Variants in SYT4 observed in about 807,000 individuals in gnomAD.
SYT4 encodes the protein synaptotagmin-4.
A neutral mutation model predicts 32.9 loss-of-function variants in SYT4; 7 were observed. That is an observed-to-expected ratio of 0.21 (90% CI 0.12 to 0.40). The LOEUF (loss-of-function observed/expected upper bound fraction) is 0.40, where lower values mean the gene tolerates loss of function less well. Ranked by LOEUF, SYT4 falls within the 10% of genes least tolerant of loss-of-function variation. The pLI is 1.00. For synonymous variants in SYT4, 205 were observed against 186.2 expected (o/e 1.10, Z -0.82); for missense variants, 480 against 488.0 (o/e 0.98, Z 0.16).
chr18:43,270,125 C>T lies in SYT4; in HGVS notation c.*216G>A. The stretch of plus-strand genomic sequence containing the variant: ...GTAATCTGAAGGAGATATTGAATAT[C>T]TTATGAAAATTTATCCAACTCTTCT... On this transcript the variant is annotated 3_prime_UTR_variant, in exon 4 of 4. Transcript: ENST00000255224. The T allele has an allele frequency of 1.8e-6, 1 of 557,858 alleles. No homozygotes were observed. The highest frequency in any genetic ancestry group is 3.1e-6 in the Non-Finnish European group (1 of 317,578). The allele number at this position is 557,858 out of a possible 1,614,324, so 34.6% of individuals were successfully genotyped here.
intron 2 of SYT4, among the ~76,000 whole-genome samples, chr18:43,272,446 T>C (rs1172797461): frequency 6.6e-6 from 1 of 152,130 alleles, no homozygotes; most frequent in Non-Finnish European, 1.5e-5. Flanking sequence ...TCTTAAGCAT[T>C]GGAGAGCATT....
chr18:43,273,317 GTATT>G (rs1339136708), intron 2 of SYT4, among the ~76,000 whole-genome samples: 1 of 152,040 alleles, frequency 6.6e-6, no homozygotes, highest in East Asian at 1.9e-4. Context: ...ATTAACAAAA[GTATT>G]TATATAGGTG....
In SYT4 at chr18:43,270,310, A is replaced by T. The variant is rs779098741; in HGVS notation, c.*31T>A. The T allele has an allele frequency of 1.9e-6, 3 of 1,590,826 alleles. No individual in the cohort carries two copies. ...AGAAAATTTCTCCTTGCCTAGTAAAAACCTTTAAGTTCCAACTCACGGCTA... is the reference window on the plus strand; with the variant it reads ...AGAAAATTTCTCCTTGCCTAGTAAATACCTTTAAGTTCCAACTCACGGCTA... On this transcript the variant is annotated 3_prime_UTR_variant, in exon 4 of 4. Coordinates refer to ENST00000255224, the MANE Select transcript of SYT4 (RefSeq NM_020783.4).
At chr18:43,272,491 T>G (rs1209213669) in intron 2 of SYT4, among the ~76,000 whole-genome samples, 1 of 152,188 alleles carries the variant, frequency 6.6e-6, no homozygotes, top group Non-Finnish European at 1.5e-5. Flanking sequence ...CTTCTTTGCG[T>G]GCTACTTAGA....
At chr18:43,276,229 A>G (rs1908788803) in intron 1 of SYT4, among the ~76,000 whole-genome samples, 1 of 152,212 alleles carries the variant, frequency 6.6e-6, no homozygotes, top group African/African-American at 2.4e-5. Context: ...AGTTATGTCA[A>G]ATGGCAAACA....
intron 2 of SYT4, 66 bp downstream of exon 2, chr18:43,273,514 C>T (rs1908693445): frequency 1.8e-6 from 2 of 1,129,856 alleles, no homozygotes; most frequent in South Asian, 1.7e-5. Flanking sequence ...AATAAAAATT[C>T]CTTAGACACC....
rs1268324142 is a variant in SYT4, at chr18:43,269,043, C to T, written c.*1298G>A. 1 of 152,156 alleles carries T rather than the reference C, an allele frequency of 6.6e-6. No homozygotes were observed. Among genetic ancestry groups the T allele is most frequent in the Non-Finnish European group, 1.5e-5 (1 of 68,022 alleles). The allele number at this position is 152,156 out of a possible 1,614,324, so 9.4% of individuals were successfully genotyped here. On this transcript the variant is annotated 3_prime_UTR_variant, in exon 4 of 4. Transcript: ENST00000255224. ...TAGTGACATTACTCTCAAGCTAATTCTTTTCAAATAATCACAGGGTGCAGC... is the reference window on the plus strand; with the variant it reads ...TAGTGACATTACTCTCAAGCTAATTTTTTTCAAATAATCACAGGGTGCAGC...
rs542981794 is a variant in SYT4 at position 43,277,315 on chromosome 18, G to A, written c.-34C>T. ...GCGTGTTCTGTCCGAGGTGCTGAAG[G>A]GAAAACTGCCTGGCTGGATTCACTT... On this transcript the variant is annotated 5_prime_UTR_variant, in exon 1 of 4. Coordinates refer to ENST00000255224, the MANE Select transcript of SYT4 (RefSeq NM_020783.4). 4.3e-6 allele frequency: 7 copies of A among 1,613,758 alleles called. 1 individual carries two copies. In the South Asian group the frequency reaches 7.7e-5, roughly 18 times the overall value.
At chr18:43,272,541 T>C (rs1362279192) in intron 2 of SYT4, among the ~76,000 whole-genome samples, 2 of 152,168 alleles carry the variant, frequency 1.3e-5, no homozygotes, top group Non-Finnish European at 2.9e-5. Context: ...AGATATACAA[T>C]AATTCAAAGT....
intron 1 of SYT4, among the ~76,000 whole-genome samples, chr18:43,276,782 G>A (rs942784143): frequency 6.6e-6 from 1 of 152,046 alleles, no homozygotes; most frequent in African/African-American, 2.4e-5. Flanking sequence ...CATATGGTAC[G>A]CCCTGTAATA....
rs1289065966 is a variant in SYT4, at chr18:43,270,569, G to C, written c.1050C>G (p.Pro350=). 6.2e-7 allele frequency: 1 copy of C among 1,614,010 alleles called. No homozygotes were observed. The highest frequency in any genetic ancestry group is 1.7e-5 in the Admixed American group (1 of 60,004). The change falls in exon 4 of 4, where the codon CCC becomes CCG. Residue 350 remains proline, a synonymous_variant. Transcript: ENST00000255224. ...CAAACAGCTCATTGAACACTGCATT[G>C]GGGGTGCATTTCTTCACATGAGTCT... is the stretch of plus-strand genomic sequence containing the variant. ...KKKTHVKKCT[P]NAVFNELFVF... is the part of the protein sequence containing the mutation.
In SYT4 at chr18:43,269,261, G is replaced by A. The variant is rs142241829; in HGVS notation, c.*1080C>T. ...GCGTGAACATATGTAAATTATATTAGAATTGCTCTTGAACGATTTTGTAGT... is the reference window on the plus strand; with the variant it reads ...GCGTGAACATATGTAAATTATATTAAAATTGCTCTTGAACGATTTTGTAGT... On this transcript the variant is annotated 3_prime_UTR_variant, in exon 4 of 4. Transcript: ENST00000255224. 3 of 152,290 alleles carry A rather than the reference G, an allele frequency of 2.0e-5. No individual in the cohort carries two copies. Among genetic ancestry groups the A allele is most frequent in the East Asian group, 1.9e-4 (1 of 5,192 alleles). 9.4% of individuals were successfully genotyped at this position (152,290 alleles called of 1,614,324 possible).
chr18:43,274,445 T>C, intron 1 of SYT4, 51 bp from the exon 2 acceptor site: 1 of 1,443,994 alleles, frequency 6.9e-7, no homozygotes, highest in Non-Finnish European at 9.2e-7. Context: ...GAGCTGGAGA[T>C]ATGAGCCTTT....
chr18:43,273,418 A>G (rs918373940), intron 2 of SYT4, among the ~76,000 whole-genome samples, 162 bp downstream of exon 2: 1 of 152,242 alleles, frequency 6.6e-6, no homozygotes, highest in Admixed American at 6.5e-5. Context: ...ATTTTATTTC[A>G]TCTGTTCTAT....
At chr18:43,277,182 G>A in intron 1 of SYT4, 66 bp downstream of exon 1, 4 of 1,593,960 alleles carry the variant, frequency 2.5e-6, no homozygotes, top group Non-Finnish European at 3.4e-6. Flanking sequence ...AAAAATAAAT[G>A]AATAAACAGT....
In SYT4 at chr18:43,274,271, A is replaced by G. The variant is rs1006167764; in HGVS notation, c.158T>C (p.Phe53Ser). The G allele has an allele frequency of 6.2e-7, 1 of 1,613,766 alleles. No homozygotes were observed. Among genetic ancestry groups the G allele is most frequent in the Non-Finnish European group, 8.5e-7 (1 of 1,179,926 alleles). Residue 53 changes from phenylalanine to serine, a missense_variant, in exon 2 of 4, where the codon TTT (phenylalanine) becomes TCT (serine). Coordinates refer to ENST00000255224, the MANE Select transcript of SYT4 (RefSeq NM_020783.4). ...ATCAACTCCCTTAAGCACATGCACA[A>G]ACTTGTATGGAGGAGTCTTGTTAGA... ...SKSNKTPPYK[F>S]VHVLKGVDIY...
chr18:43,269,376 TG>T lies in SYT4; in HGVS notation c.*964del, dbSNP rs1454377418. ...TTTCAAGTAGCATCTTAATCTTTTC[TG>T]GGGGACAATAAATTAAATGAAGACT... On this transcript the variant is annotated 3_prime_UTR_variant, in exon 4 of 4. Transcript: ENST00000255224. The T allele has an allele frequency of 6.6e-6, 1 of 152,204 alleles. No individual in the cohort carries two copies. The highest frequency in any genetic ancestry group is 1.5e-5 in the Non-Finnish European group (1 of 68,030). The allele number at this position is 152,204 out of a possible 1,614,324, so 9.4% of individuals were successfully genotyped here.
At chr18:43,270,720 C>G (rs1458345204) in intron 3 of SYT4, 72 bp from the exon 4 acceptor site, 1 of 1,515,048 alleles carries the variant, frequency 6.6e-7, no homozygotes, top group Admixed American at 1.8e-5. Flanking sequence ...TAACAGTGCC[C>G]TTAGAGATCA....
Position 43,273,728 on chromosome 18 carries a change from T to A in SYT4, c.701A>T (p.Gln234Leu). Reference sequence around the variant, plus strand: ...AATTGTGAAGTGCAAGGCCAATTCTTGGATTTGGGTGTAGGGTATCCCATA... The same window carrying A: ...AATTGTGAAGTGCAAGGCCAATTCTAGGATTTGGGTGTAGGGTATCCCATA... ...TFYGIPYTQI[Q>L]ELALHFTILS... Residue 234 changes from glutamine (Q) to leucine (L), a missense_variant, in exon 2 of 4, where the codon CAA (glutamine) becomes CTA (leucine). By Grantham distance (113) the Gln-to-Leu change is moderately radical (BLOSUM62 -2). Transcript: ENST00000255224. 6.2e-7 allele frequency: 1 copy of A among 1,614,034 alleles called. No homozygotes were observed. Among genetic ancestry groups the A allele is most frequent in the Non-Finnish European group, 8.5e-7 (1 of 1,179,928 alleles).
Sources: allele counts gnomAD v4.1 joint callset (sites outside exome capture counted in the v4.1 genomes callset), GRCh38; gene constraint gnomAD v4.1.1; transcripts MANE v1.5; gene names NCBI Gene and HGNC (gene_info 2026-07-23, HGNC 2026-07-21).